CLMP: variants seen among roughly 807,000 people sequenced by gnomAD.
The protein encoded by CLMP is CXADR like cell adhesion molecule.
CLMP carries 27 observed loss-of-function variants against 45.2 expected under a neutral mutation model. That is an observed-to-expected ratio of 0.60 (90% CI 0.44 to 0.82). The LOEUF (loss-of-function observed/expected upper bound fraction) is 0.82, where lower values mean the gene tolerates loss of function less well. Ranked by LOEUF, CLMP falls within the 40% of genes least tolerant of loss-of-function variation. The pLI is 0.00. For synonymous variants in CLMP, 167 were observed against 171.4 expected (o/e 0.97, Z 0.20); for missense variants, 403 against 448.4 (o/e 0.90, Z 0.91).
In CLMP at chr11:123,194,999, G is replaced by A; in HGVS notation, c.-59C>T. 3 of 1,568,418 alleles carry A rather than the reference G, an allele frequency of 1.9e-6. No individual in the cohort carries two copies. In the Admixed American group the frequency reaches 5.4e-5, roughly 28 times the overall value. On this transcript the variant is annotated 5_prime_UTR_variant, in exon 1 of 7. Transcript: ENST00000448775. ...GCTGCTGCTTGGCTCCGGGGCGGCC[G>A]GGCGCCTCCGACGGACCTCGGGCGA...
intron 1 of CLMP, among the ~76,000 whole-genome samples, chr11:123,124,521 G>C (rs942365061): frequency 6.6e-6 from 1 of 152,204 alleles, no homozygotes; most frequent in African/African-American, 2.4e-5. Context: ...GCAGAGACTA[G>C]AAGGGCCAAA....
At chr11:123,151,022 T>G (rs1311668044) in intron 1 of CLMP, among the ~76,000 whole-genome samples, 1 of 152,166 alleles carries the variant, frequency 6.6e-6, no homozygotes, top group Admixed American at 6.5e-5. Flanking sequence ...CCATCTTATC[T>G]CACCACTTTT....
In CLMP at chr11:123,143,521, C is replaced by CGG. The variant is rs58159601; in HGVS notation, c.29-45571_29-45570dup. Among the ~76,000 whole-genome samples, 491 of 144,770 alleles carry CGG rather than the reference C, an allele frequency of 3.4e-3. 4 individuals carry two copies. Among genetic ancestry groups the CGG allele is most frequent in the African/African-American group, 0.011 (429 of 39,256 alleles). The allele number at this position is 144,770 out of a possible 152,430, so 95.0% of individuals were successfully genotyped here. Reference sequence around the variant, plus strand: ...TGCCATGTGAACCGCCTATGGGGGGCGGGGGGGGCATGAGACAGGGAACAG... The same window carrying CGG: ...TGCCATGTGAACCGCCTATGGGGGGCGGGGGGGGGGCATGAGACAGGGAACAG... On this transcript the variant is annotated intron_variant, in intron 1 of 6. Transcript: ENST00000448775.
At chr11:123,138,205 T>C (rs1861105380) in intron 1 of CLMP, among the ~76,000 whole-genome samples, 1 of 152,138 alleles carries the variant, frequency 6.6e-6, no homozygotes, top group Admixed American at 6.5e-5. Context: ...TGGACTGTTT[T>C]TAAATTTAAA....
chr11:123,146,019 A>T (rs1861234225), intron 1 of CLMP, among the ~76,000 whole-genome samples: 1 of 152,192 alleles, frequency 6.6e-6, no homozygotes, highest in East Asian at 1.9e-4. Context: ...ACAGGGGCTC[A>T]GGGTAGGGCA....
At chr11:123,165,854 G>A (rs979176447) in intron 1 of CLMP, among the ~76,000 whole-genome samples, 6 of 152,230 alleles carry the variant, frequency 3.9e-5, no homozygotes, top group African/African-American at 7.2e-5. Context: ...AAGATACCAC[G>A]GGAAGCAAGG....
At chr11:123,164,011 CTATT>C (rs1348747500) in intron 1 of CLMP, among the ~76,000 whole-genome samples, 1 of 152,158 alleles carries the variant, frequency 6.6e-6, no homozygotes, top group African/African-American at 2.4e-5. Flanking sequence ...AATTGGCCAA[CTATT>C]TATTTTCCAG....
At chr11:123,184,062 G>C (rs1218627174) in intron 1 of CLMP, among the ~76,000 whole-genome samples, 1 of 152,158 alleles carries the variant, frequency 6.6e-6, no homozygotes, top group Non-Finnish European at 1.5e-5. Context: ...CTAACATAGG[G>C]ATAAGCACTT....
In CLMP at chr11:123,070,520, C is replaced by A. The variant is rs1865659796; in HGVS notation, c.*2954G>T. The A allele has an allele frequency of 6.6e-6, 1 of 152,134 alleles. No individual in the cohort carries two copies. The highest frequency in any genetic ancestry group is 1.5e-5 in the Non-Finnish European group (1 of 68,032). 9.4% of individuals were successfully genotyped at this position (152,134 alleles called of 1,614,324 possible). A position where few individuals can be genotyped will look rare whatever the true frequency, so the allele number is the denominator to read the frequency against. Reference sequence around the variant, plus strand: ...TCTGGTAACTAACATGTTTAAAAATCTAAGGCTCTTTTTCATGCAAAGGAG... The same window carrying A: ...TCTGGTAACTAACATGTTTAAAAATATAAGGCTCTTTTTCATGCAAAGGAG... On this transcript the variant is annotated 3_prime_UTR_variant, in exon 7 of 7. Transcript: ENST00000448775.
At chr11:123,139,454 T>G (rs1861124521) in intron 1 of CLMP, among the ~76,000 whole-genome samples, 1 of 152,130 alleles carries the variant, frequency 6.6e-6, no homozygotes, top group African/African-American at 2.4e-5. Flanking sequence ...CTTTTTAGGG[T>G]TCAGTTTCCA....
rs141153725 is a variant in CLMP, at chr11:123,123,160, G to A, written c.29-25208C>T. On this transcript the variant is annotated intron_variant, in intron 1 of 6. Coordinates refer to ENST00000448775, the MANE Select transcript of CLMP (RefSeq NM_024769.5). ...AGTCCAGGAATCAGCTTTTCTGGGC[G>A]TATCATATTGCCCAGCTGTGACCCT... 4.4e-3 allele frequency among the ~76,000 whole-genome samples: 666 copies of A among 151,550 alleles called. 3 individuals carry two copies. The highest frequency in any genetic ancestry group is 0.016 in the African/African-American group (642 of 41,224).
At chr11:123,110,941 A>T (rs1021838329) in intron 1 of CLMP, among the ~76,000 whole-genome samples, 7 of 152,194 alleles carry the variant, frequency 4.6e-5, no homozygotes, top group African/African-American at 1.7e-4. Context: ...AGGGGTCCTT[A>T]TATGTGGATG....
Position 123,108,302 on chromosome 11 carries a change from A to T in CLMP, c.29-10350T>A, listed in dbSNP as rs540746450. Among the ~76,000 whole-genome samples, 4 of 152,294 alleles carry T rather than the reference A, an allele frequency of 2.6e-5. No homozygotes were observed. The East Asian group carries it at 5.8e-4, about 22-fold the overall frequency. On this transcript the variant is annotated intron_variant, in intron 1 of 6. Coordinates refer to ENST00000448775, the MANE Select transcript of CLMP (RefSeq NM_024769.5). ...TTTTACTGTCTTTTTAAATACAAAC[A>T]TATATTTGGTACTTAAACAGTTTAA...
intron 4 of CLMP, among the ~76,000 whole-genome samples, 190 bp downstream of exon 4, chr11:123,083,490 A>G (rs1865827926): frequency 6.6e-6 from 1 of 152,146 alleles, no homozygotes; most frequent in South Asian, 2.1e-4. Flanking sequence ...CTCTTTTACT[A>G]CTTTTACATG....
intron 1 of CLMP, among the ~76,000 whole-genome samples, chr11:123,192,564 G>A (rs1029003654): frequency 2.6e-5 from 4 of 152,308 alleles, no homozygotes; most frequent in East Asian, 1.9e-4. Context: ...AATGAGGGCC[G>A]GAACGTTACG....
chr11:123,175,932 A>G (rs1056530541), intron 1 of CLMP, among the ~76,000 whole-genome samples: 1 of 152,230 alleles, frequency 6.6e-6, no homozygotes, highest in Non-Finnish European at 1.5e-5. Context: ...TTAGTTAGTT[A>G]CCAAATGCTA....
chr11:123,157,879 G>T (rs111999271), intron 1 of CLMP, among the ~76,000 whole-genome samples: 315 of 152,188 alleles, frequency 2.1e-3, no homozygotes, highest in African/African-American at 7.0e-3. Context: ...TGGGGAGAGA[G>T]TTGGGGGCCG....
intron 2 of CLMP, among the ~76,000 whole-genome samples, chr11:123,093,202 G>T (rs944963483): frequency 6.6e-6 from 1 of 151,832 alleles, no homozygotes; most frequent in Non-Finnish European, 1.5e-5. Flanking sequence ...CACCACGCCC[G>T]GCCATCACAC....
Position 123,171,154 on chromosome 11 carries a change from T to C in CLMP, c.28+23759A>G, listed in dbSNP as rs566965132. 2.6e-5 allele frequency among the ~76,000 whole-genome samples: 4 copies of C among 151,748 alleles called. No homozygotes were observed. The East Asian group carries it at 7.8e-4, about 30-fold the overall frequency. ...AGTAAGCATTTCCCAGGTAGAAAAA[T>C]GGGGAAAGGGTGTCATTCTAAGTAG... On this transcript the variant is annotated intron_variant, in intron 1 of 6. Coordinates refer to ENST00000448775, the MANE Select transcript of CLMP (RefSeq NM_024769.5).
Sources: allele counts gnomAD v4.1 joint callset (sites outside exome capture counted in the v4.1 genomes callset), GRCh38; gene constraint gnomAD v4.1.1; transcripts MANE v1.5; gene names NCBI Gene and HGNC (gene_info 2026-07-23, HGNC 2026-07-21).